The following TMEM132D variants were observed in gnomAD, a reference collection of about 807,000 sequenced individuals.
TMEM132D encodes the protein mature OL transmembrane protein.
A neutral mutation model predicts 62.3 loss-of-function variants in TMEM132D; 21 were observed. The observed-to-expected ratio is 0.34, with a 90% CI of 0.24 to 0.49. The LOEUF (loss-of-function observed/expected upper bound fraction) is 0.49, where lower values mean the gene tolerates loss of function less well. Among genes scored for constraint, TMEM132D ranks in the 20% least tolerant of loss-of-function variants. The pLI is 0.99. For synonymous variants in TMEM132D, 621 were observed against 575.6 expected (o/e 1.08, Z -1.13); for missense variants, 1,346 against 1,402.8 (o/e 0.96, Z 0.65).
chr12:129,173,350 C>G (rs191617450), intron 5 of TMEM132D, among the ~76,000 whole-genome samples: 1 of 152,124 alleles, frequency 6.6e-6, no homozygotes, highest in Non-Finnish European at 1.5e-5. Flanking sequence ...AGATATGATA[C>G]GTTGTACTCC....
At chr12:129,295,315 G>A (rs1002964274) in intron 4 of TMEM132D, among the ~76,000 whole-genome samples, 2 of 151,940 alleles carry the variant, frequency 1.3e-5, no homozygotes, top group Non-Finnish European at 1.5e-5. Flanking sequence ...ACACACTATG[G>A]AACACTGTTG....
At chr12:129,105,547 A>G (rs1875467083) in intron 5 of TMEM132D, among the ~76,000 whole-genome samples, 1 of 114,646 alleles carries the variant, frequency 8.7e-6, no homozygotes, top group African/African-American at 2.8e-5. Context: ...GTATAATAAT[A>G]ATAAAAAAAA....
At chr12:129,644,029 AT>A (rs527762735) in intron 2 of TMEM132D, among the ~76,000 whole-genome samples, 21 of 152,108 alleles carry the variant, frequency 1.4e-4, no homozygotes, top group Admixed American at 3.3e-4. Flanking sequence ...TAATTTTTGT[AT>A]TTTTAGTAGA....
intron 2 of TMEM132D, among the ~76,000 whole-genome samples, chr12:129,658,078 TGA>T (rs1880140174): frequency 6.6e-6 from 1 of 152,122 alleles, no homozygotes; most frequent in Non-Finnish European, 1.5e-5. Context: ...AACAAGTGCT[TGA>T]GAGAGTAGCC....
chr12:129,498,243 C>CA (rs1315311312), intron 3 of TMEM132D, among the ~76,000 whole-genome samples: 1 of 118,182 alleles, frequency 8.5e-6, no homozygotes, highest in Non-Finnish European at 2.0e-5. Flanking sequence ...TGTATCTGTC[C>CA]AAAATCTTTT....
intron 4 of TMEM132D, chr12:129,212,236 A>C (rs773315275): frequency 2.0e-5 from 3 of 152,250 alleles, no homozygotes; most frequent in Non-Finnish European, 4.4e-5. Flanking sequence ...ACTGATGAGC[A>C]GCTGTAAGCC....
chr12:129,190,161 T>G (rs1166141851), intron 5 of TMEM132D, among the ~76,000 whole-genome samples: 12 of 37,482 alleles, frequency 3.2e-4, no homozygotes, highest in Non-Finnish European at 4.2e-4. Flanking sequence ...GGCCTGCAGA[T>G]GGAGGGAGGG....
chr12:129,875,723 T>C (rs1257993144), intron 1 of TMEM132D, among the ~76,000 whole-genome samples: 2 of 152,060 alleles, frequency 1.3e-5, no homozygotes, highest in African/African-American at 4.8e-5. Flanking sequence ...ATGCGCCTCA[T>C]CCCAGGGAGG....
At chr12:129,836,518 G>A (rs556498997) in intron 1 of TMEM132D, among the ~76,000 whole-genome samples, 34 of 151,844 alleles carry the variant, frequency 2.2e-4, no homozygotes, top group African/African-American at 4.3e-4. Context: ...GTGTGTGTGC[G>A]CGCGTGTGTG....
intron 1 of TMEM132D, among the ~76,000 whole-genome samples, chr12:129,701,049 G>C (rs960010388): frequency 2.7e-4 from 41 of 152,294 alleles, no homozygotes; most frequent in Middle Eastern, 3.4e-3. Context: ...AGATTAGCAA[G>C]TGTTAGAAAG....
chr12:129,075,622 C>A (rs1217878835), intron 8 of TMEM132D, among the ~76,000 whole-genome samples: 2 of 152,200 alleles, frequency 1.3e-5, no homozygotes, highest in Admixed American at 1.3e-4. Flanking sequence ...AGGAGTGGAT[C>A]TGTCCTGGCC....
chr12:129,134,206 G>C (rs1451277718), intron 5 of TMEM132D, among the ~76,000 whole-genome samples: 1 of 151,920 alleles, frequency 6.6e-6, no homozygotes, highest in Non-Finnish European at 1.5e-5. Flanking sequence ...GTGTCTGTGT[G>C]TGTGCGTGTA....
chr12:129,844,017 C>A (rs533397528), intron 1 of TMEM132D, among the ~76,000 whole-genome samples: 1 of 152,276 alleles, frequency 6.6e-6, no homozygotes, highest in Non-Finnish European at 1.5e-5. Context: ...AGGAAGATCA[C>A]TTGAGCCCAG....
At position 129,588,636 on chromosome 12, in the gene TMEM132D, G is replaced by A. The variant is rs538170291; in HGVS notation, c.969-57431C>T. 2.6e-5 allele frequency among the ~76,000 whole-genome samples: 4 copies of A among 151,500 alleles called. 1 individual carries two copies. The highest frequency in any genetic ancestry group is 4.8e-5 in the African/African-American group (2 of 41,316). On this transcript the variant is annotated intron_variant, in intron 2 of 8. Transcript: ENST00000422113. ...GCCACCCAGGCTGGAGTGCAGTGGC[G>A]CCATCTCCGCCCACTGCAAGCTCCG...
chr12:129,265,133 G>A (rs1442747715), intron 4 of TMEM132D, among the ~76,000 whole-genome samples: 3 of 152,148 alleles, frequency 2.0e-5, no homozygotes, highest in Admixed American at 6.5e-5. Context: ...GGACCTCTGA[G>A]CTGCCAGGTG....
chr12:129,691,410 T>C (rs1881057472), intron 2 of TMEM132D, among the ~76,000 whole-genome samples: 1 of 151,710 alleles, frequency 6.6e-6, no homozygotes, highest in African/African-American at 2.4e-5. Context: ...TCTTTGAAAA[T>C]ATCAATAAAA....
intron 4 of TMEM132D, among the ~76,000 whole-genome samples, chr12:129,270,306 CTGGTTACCATAGAAACCCTG>C (rs1431867036): frequency 2.0e-5 from 3 of 152,158 alleles, no homozygotes; most frequent in African/African-American, 7.2e-5. Flanking sequence ...CAAATCTGGT[CTGGTTACCATAGAAACCCTG>C]TAGAACACAG....
chr12:129,294,700 C>A (rs1472789367), intron 4 of TMEM132D, among the ~76,000 whole-genome samples: 1 of 152,180 alleles, frequency 6.6e-6, no homozygotes, highest in Non-Finnish European at 1.5e-5. Flanking sequence ...ATACCAGGAA[C>A]CTCCAGGTCC....
intron 4 of TMEM132D, among the ~76,000 whole-genome samples, chr12:129,219,497 G>C (rs531599346): frequency 6.6e-6 from 1 of 152,346 alleles, no homozygotes; most frequent in South Asian, 2.1e-4. Context: ...CGAGGGCCAA[G>C]AGGGCGTATA....
Sources: gnomAD v4.1 joint callset for allele counts (sites outside exome capture counted in the v4.1 genomes callset) on GRCh38, gnomAD v4.1.1 for gene constraint, MANE v1.5 for transcripts, NCBI Gene and HGNC (gene_info 2026-07-23, HGNC 2026-07-21) for gene names.